Variants in RANBP2 observed in about 807,000 individuals in gnomAD.
RANBP2 encodes the protein RAN binding protein 2, also known as E3 SUMO-protein ligase RanBP2.
In RANBP2, 57 loss-of-function variants were observed where a neutral mutation model predicts 303.6. That is an observed-to-expected ratio of 0.19 (90% CI 0.15 to 0.23). The LOEUF is 0.23. RANBP2 is among the 10% of genes least tolerant of loss of function. The pLI, the probability that RANBP2 is intolerant of heterozygous loss-of-function variation, is 1.00. For missense variants in RANBP2, 3,138 were observed against 3,780.8 expected, an observed-to-expected ratio of 0.83 and a Z score of 4.46; for synonymous variants, 1,167 against 1,301.5, an observed-to-expected ratio of 0.90 and a Z score of 2.23.
chr2:108,837,460 G>A, the RANBP2 span, among the ~76,000 whole-genome samples: 86 of 152,176 alleles, frequency 5.7e-4, no homozygotes, highest in Admixed American at 7.2e-4. Context: ...ATGGTAGACC[G>A]TATATATGAT....
the RANBP2 span, among the ~76,000 whole-genome samples, chr2:109,372,675 G>A: frequency 6.6e-6 from 1 of 152,186 alleles, no homozygotes; most frequent in East Asian, 1.9e-4. Flanking sequence ...GGGCCTCTTG[G>A]CCCTAGACTC....
chr2:108,847,062 A>C, the RANBP2 span: 1 of 616,872 alleles, frequency 1.6e-6, no homozygotes, highest in Admixed American at 3.2e-5. Flanking sequence ...ATGGTTACAC[A>C]TTATAAAAAG....
the RANBP2 span, chr2:109,617,986 C>T: frequency 6.2e-6 from 1 of 161,324 alleles, no homozygotes; most frequent in Non-Finnish European, 1.5e-5. Context: ...CGACACTGCA[C>T]TCCAGCCTGG....
chr2:108,802,559 AT>A, the RANBP2 span, among the ~76,000 whole-genome samples: 1 of 145,278 alleles, frequency 6.9e-6, no homozygotes, highest in African/African-American at 2.6e-5. Flanking sequence ...TAGATAAACA[AT>A]CATGTCGTCT....
chr2:109,289,225 C>CTA, the RANBP2 span, among the ~76,000 whole-genome samples: 1 of 152,206 alleles, frequency 6.6e-6, no homozygotes, highest in Non-Finnish European at 1.5e-5. Context: ...GGACTGCACG[C>CTA]TCTATGTGCA....
At chr2:108,853,900 T>TTA in the RANBP2 span, among the ~76,000 whole-genome samples, 1 of 119,074 alleles carries the variant, frequency 8.4e-6, no homozygotes, top group African/African-American at 3.7e-5. Flanking sequence ...AGTATATATA[T>TTA]TATATATTAT....
the RANBP2 span, among the ~76,000 whole-genome samples, chr2:109,462,846 A>G: frequency 1.3e-5 from 2 of 152,328 alleles, no homozygotes; most frequent in East Asian, 1.9e-4. Flanking sequence ...CCTGTGCTCC[A>G]TAAGCCCGTC....
At chr2:109,294,700 G>A in the RANBP2 span, among the ~76,000 whole-genome samples, 1 of 152,192 alleles carries the variant, frequency 6.6e-6, no homozygotes, top group Admixed American at 6.5e-5. Flanking sequence ...GGCTCAGCTG[G>A]GAGGAAGACA....
At chr2:109,142,610 G>T in the RANBP2 span, among the ~76,000 whole-genome samples, 2 of 152,152 alleles carry the variant, frequency 1.3e-5, no homozygotes, top group Non-Finnish European at 2.9e-5. Flanking sequence ...AAGCCTCTCT[G>T]GGTTCTCTGG....
chr2:109,648,162 G>A, the RANBP2 span, among the ~76,000 whole-genome samples: 4 of 152,156 alleles, frequency 2.6e-5, no homozygotes, highest in Admixed American at 6.5e-5. Flanking sequence ...TTGGGTCCTC[G>A]GGTGGGAATG....
At chr2:109,407,871 C>T in the RANBP2 span, among the ~76,000 whole-genome samples, 5 of 152,204 alleles carry the variant, frequency 3.3e-5, no homozygotes, top group African/African-American at 1.2e-4. Context: ...ACCGTGGCTG[C>T]CTGTGACCTG....
the RANBP2 span, among the ~76,000 whole-genome samples, chr2:109,539,445 G>A: frequency 3.5e-3 from 534 of 152,134 alleles, 5 homozygotes; most frequent in African/African-American, 0.012. Flanking sequence ...GTGAAGCCTG[G>A]CAACCACAGC....
the RANBP2 span, among the ~76,000 whole-genome samples, chr2:109,674,383 G>A: frequency 3.0e-5 from 4 of 132,032 alleles, no homozygotes; most frequent in South Asian, 2.4e-4. Context: ...TGACCGGCCC[G>A]GGAAACATGG....
At chr2:109,002,117 A>G in the RANBP2 span, among the ~76,000 whole-genome samples, 73,609 of 152,038 alleles carry the variant, frequency 0.48, 19,322 homozygotes, top group East Asian at 0.93. Context: ...CTTGTGTCCC[A>G]TGGCTGCACT....
At chr2:109,270,424 G>A in the RANBP2 span, among the ~76,000 whole-genome samples, 9 of 152,202 alleles carry the variant, frequency 5.9e-5, no homozygotes, top group Non-Finnish European at 1.2e-4. Flanking sequence ...GAGGGTGCCT[G>A]CAGCTGCCAC....
At chr2:108,836,295 A>G in the RANBP2 span, among the ~76,000 whole-genome samples, 1 of 152,176 alleles carries the variant, frequency 6.6e-6, no homozygotes, top group African/African-American at 2.4e-5. Context: ...CACTTAGCAT[A>G]ATATCCATAA....
At chr2:109,614,373 G>A in the RANBP2 span, 1 of 857,672 alleles carries the variant, frequency 1.2e-6, no homozygotes, top group Non-Finnish European at 1.5e-6. Context: ...CAGACGCGTA[G>A]GCTGGCAGCC....
the RANBP2 span, among the ~76,000 whole-genome samples, chr2:109,002,245 T>C: frequency 4.2e-4 from 64 of 152,350 alleles, no homozygotes; most frequent in Middle Eastern, 0.01. Flanking sequence ...GGCCCTGTGC[T>C]TGCTCCTGGA....
At chr2:108,917,216 C>T in the RANBP2 span, among the ~76,000 whole-genome samples, 3,729 of 152,204 alleles carry the variant, frequency 0.025, 92 homozygotes, top group African/African-American at 0.071. Flanking sequence ...AAAAGCAACG[C>T]GCGGCTCGTG....
Sources: gnomAD v4.1 joint callset for allele counts (sites outside exome capture counted in the v4.1 genomes callset) on GRCh38, gnomAD v4.1.1 for gene constraint, MANE v1.5 for transcripts, NCBI Gene and HGNC (gene_info 2026-07-23, HGNC 2026-07-21) for gene names.